The following ZFAT variants were observed in gnomAD, a reference collection of about 807,000 sequenced individuals.
The protein encoded by ZFAT is zinc finger and AT-hook domain containing.
Under a neutral mutation model 117.7 loss-of-function variants are expected in ZFAT, and 64 were observed. That is an observed-to-expected ratio of 0.54 (90% CI 0.44 to 0.67). ZFAT has a LOEUF of 0.67. Ranked by LOEUF, ZFAT falls within the 30% of genes least tolerant of loss-of-function variation. ZFAT has a pLI of 0.00. For missense variants in ZFAT, 1,433 were observed against 1,584.5 expected (o/e 0.90, Z 1.62); for synonymous variants, 679 against 615.0 (o/e 1.10, Z -1.54).
chr8:134,722,791 C>T, the ZFAT span, among the ~76,000 whole-genome samples: 1 of 151,946 alleles, frequency 6.6e-6, no homozygotes, highest in Non-Finnish European at 1.5e-5. Flanking sequence ...ACTGTGCCCC[C>T]CTTAACTCGT....
At chr8:134,703,520 C>A (rs376264383) in intron 1 of ZFAT, among the ~76,000 whole-genome samples, 1 of 152,214 alleles carries the variant, frequency 6.6e-6, no homozygotes, top group Non-Finnish European at 1.5e-5. Flanking sequence ...ACAGCAGGCA[C>A]TTCAGAGATG....
the ZFAT span, chr8:134,724,046 T>C: frequency 5.2e-5 from 8 of 152,396 alleles, no homozygotes; most frequent in African/African-American, 2.4e-5. Context: ...CTAGACTTGA[T>C]TCACTTCCAT....
intron 3 of ZFAT, among the ~76,000 whole-genome samples, chr8:134,630,365 T>C (rs1829804108): frequency 6.6e-6 from 1 of 152,206 alleles, no homozygotes; most frequent in African/African-American, 2.4e-5. Flanking sequence ...CACCTGCAAA[T>C]TTTCAAACAT....
At chr8:134,735,065 C>T in the ZFAT span, among the ~76,000 whole-genome samples, 1 of 152,214 alleles carries the variant, frequency 6.6e-6, no homozygotes, top group Non-Finnish European at 1.5e-5. Flanking sequence ...TTAGGGTAGG[C>T]TGTCCAGTTT....
chr8:134,554,413 G>A (rs537099812), intron 11 of ZFAT, among the ~76,000 whole-genome samples: 12 of 152,334 alleles, frequency 7.9e-5, no homozygotes, highest in African/African-American at 2.6e-4. Flanking sequence ...TGGATAGGTC[G>A]CTATGCTAGA....
chr8:134,605,717 G>A (rs7821828), intron 5 of ZFAT, among the ~76,000 whole-genome samples: 14,766 of 152,146 alleles, frequency 0.097, 1,029 homozygotes, highest in East Asian at 0.36. Flanking sequence ...GAAGCTGTTC[G>A]AAGGTACCAA....
At chr8:134,713,181 A>C, upstream of ZFAT, 8 of 246,708 alleles carry the variant, frequency 3.2e-5, no homozygotes, top group Non-Finnish European at 5.4e-5. Context: ...ATCCCACTTC[A>C]CGGATTCCGC....
intron 1 of ZFAT, among the ~76,000 whole-genome samples, chr8:134,668,317 C>G (rs138975084): frequency 0.026 from 4,012 of 152,314 alleles, 107 homozygotes; most frequent in Non-Finnish European, 0.036. Flanking sequence ...CAAGTGGGTC[C>G]CTGACCCCTG....
intron 1 of ZFAT, among the ~76,000 whole-genome samples, chr8:134,691,592 C>T (rs973089983): frequency 2.6e-5 from 4 of 152,212 alleles, no homozygotes; most frequent in African/African-American, 9.7e-5. Flanking sequence ...AATTCAGGAA[C>T]TTCATTCTTC....
At chr8:134,682,827 C>T (rs1001643199) in intron 1 of ZFAT, among the ~76,000 whole-genome samples, 1 of 152,214 alleles carries the variant, frequency 6.6e-6, no homozygotes, top group Non-Finnish European at 1.5e-5. Flanking sequence ...ACACCGTACA[C>T]ACTCAGGCTG....
chr8:134,807,674 C>T, the ZFAT span, among the ~76,000 whole-genome samples: 1 of 149,360 alleles, frequency 6.7e-6, no homozygotes, highest in African/African-American at 2.5e-5. Context: ...CACAAACCAC[C>T]AGAAACCGAC....
upstream of ZFAT, among the ~76,000 whole-genome samples, chr8:134,716,554 C>T (rs1282085393): frequency 6.6e-6 from 1 of 152,100 alleles, no homozygotes; most frequent in Non-Finnish European, 1.5e-5. Context: ...AAGCTAATTC[C>T]ATGTGTGGGA....
At chr8:134,676,496 G>A (rs1191256215) in intron 1 of ZFAT, among the ~76,000 whole-genome samples, 1 of 152,090 alleles carries the variant, frequency 6.6e-6, no homozygotes, top group Admixed American at 6.6e-5. Context: ...CAGTAATAGT[G>A]GGAAACTTTA....
chr8:134,709,536 A>G (rs1246826053), intron 1 of ZFAT, among the ~76,000 whole-genome samples: 1 of 152,222 alleles, frequency 6.6e-6, no homozygotes, highest in African/African-American at 2.4e-5. Flanking sequence ...GTGAAACTTT[A>G]ACAGGGTAAA....
At chr8:134,745,652 C>A in the ZFAT span, among the ~76,000 whole-genome samples, 2 of 152,184 alleles carry the variant, frequency 1.3e-5, no homozygotes, top group Non-Finnish European at 2.9e-5. Context: ...GGCAGAGGAG[C>A]TTTTATCAGA....
At chr8:134,787,643 C>G in the ZFAT span, among the ~76,000 whole-genome samples, 2 of 151,986 alleles carry the variant, frequency 1.3e-5, no homozygotes, top group South Asian at 2.1e-4. Flanking sequence ...TTTTATTGCT[C>G]AAGTTTATCT....
the ZFAT span, among the ~76,000 whole-genome samples, chr8:134,814,058 G>T: frequency 6.6e-6 from 1 of 152,018 alleles, no homozygotes. Context: ...ATAATGTTTG[G>T]TTTTTACAGA....
intron 2 of ZFAT, among the ~76,000 whole-genome samples, chr8:134,640,105 T>A (rs1356096545): frequency 6.6e-6 from 1 of 152,212 alleles, no homozygotes; most frequent in African/African-American, 2.4e-5. Flanking sequence ...TCTGCAACTT[T>A]ACCCACACAC....
chr8:134,503,915 AACACAC>A (rs144794990), intron 15 of ZFAT, among the ~76,000 whole-genome samples: 16 of 149,142 alleles, frequency 1.1e-4, no homozygotes, highest in Non-Finnish European at 1.5e-4. Context: ...TTTGAACACA[AACACAC>A]ACACACACAC....
Sources: allele counts gnomAD v4.1 joint callset (sites outside exome capture counted in the v4.1 genomes callset), GRCh38; gene constraint gnomAD v4.1.1; transcripts MANE v1.5; gene names NCBI Gene and HGNC (gene_info 2026-07-23, HGNC 2026-07-21).